The following ZFYVE9 variants were observed in gnomAD, a reference collection of about 807,000 sequenced individuals.
The protein encoded by ZFYVE9 is zinc finger FYVE-type containing 9.
In ZFYVE9, 43 loss-of-function variants were observed where a neutral mutation model predicts 126.7. The ratio of observed to expected loss-of-function variants is 0.34; its 90% CI spans 0.27 to 0.44. The LOEUF is 0.44. Ranked by LOEUF, ZFYVE9 falls within the 20% of genes least tolerant of loss-of-function variation. The probability of loss-of-function intolerance (pLI) is 1.00; values close to 1 mark genes in which losing one functional copy is unlikely to be tolerated. For synonymous variants in ZFYVE9, 521 were observed against 597.4 expected (o/e 0.87, Z 1.87); for missense variants, 1,476 against 1,697.0 (o/e 0.87, Z 2.29).
chr1:52,167,783 C>T (rs1486742304), intron 1 of ZFYVE9, among the ~76,000 whole-genome samples: 1 of 152,116 alleles, frequency 6.6e-6, no homozygotes, highest in African/African-American at 2.4e-5. Flanking sequence ...CTGAAGATAA[C>T]TTCAAGAGAG....
intron 2 of ZFYVE9, among the ~76,000 whole-genome samples, 155 bp from the exon 3 acceptor site, chr1:52,233,016 G>C (rs142830489): frequency 2.6e-5 from 4 of 151,852 alleles, no homozygotes; most frequent in Admixed American, 6.6e-5. Flanking sequence ...GAATTTATTA[G>C]CTTAAAGATC....
At chr1:52,308,059 A>G (rs370190049) in intron 13 of ZFYVE9, among the ~76,000 whole-genome samples, 5 of 151,890 alleles carry the variant, frequency 3.3e-5, no homozygotes, top group East Asian at 1.9e-4. Context: ...GCCACAAACA[A>G]TTTTCCTTCT....
intron 1 of ZFYVE9, among the ~76,000 whole-genome samples, chr1:52,210,888 C>G (rs981231662): frequency 6.6e-6 from 1 of 152,202 alleles, no homozygotes; most frequent in Non-Finnish European, 1.5e-5. Context: ...CTTCTGATCT[C>G]AGGTAATCTG....
chr1:52,269,387 C>T (rs1160420127), intron 7 of ZFYVE9, among the ~76,000 whole-genome samples: 1 of 152,084 alleles, frequency 6.6e-6, no homozygotes, highest in Non-Finnish European at 1.5e-5. Context: ...CCCTCAGCCT[C>T]CCAAAGTGCT....
chr1:52,162,329 C>T (rs1002628038), intron 1 of ZFYVE9: 1 of 397,836 alleles, frequency 2.5e-6, no homozygotes, highest in Non-Finnish European at 5.1e-6. Context: ...GTAAGAATCT[C>T]GACGTCTGTG....
intron 12 of ZFYVE9, among the ~76,000 whole-genome samples, chr1:52,297,179 G>T (rs1208798295): frequency 6.6e-6 from 1 of 151,686 alleles, no homozygotes; most frequent in Non-Finnish European, 1.5e-5. Context: ...CTAGGGGGCA[G>T]CCCCAGGCAA....
chr1:52,233,258 G>T lies in ZFYVE9; in HGVS notation c.52G>T (p.Glu18Ter). Residue 18 changes from glutamate to a stop codon, truncating the protein, a stop_gained, in exon 3 of 19, where the codon GAA (glutamate) becomes TAA (stop). Coordinates refer to ENST00000287727, the MANE Select transcript of ZFYVE9 (RefSeq NM_004799.4). LOFTEE classifies it high-confidence loss of function. ...EAYNLDKVLDEFEQNEDETVS... is the reference protein window; with the variant it reads ...EAYNLDKVLD ...TTACAACCTGGACAAGGTGTTAGAT[G>T]AATTTGAACAAAACGAAGGTGAGAA... 6.3e-7 allele frequency: 1 copy of T among 1,581,798 alleles called. No homozygotes were observed. The highest frequency in any genetic ancestry group is 1.2e-5 in the South Asian group (1 of 84,698).
At chr1:52,314,063 T>G (rs1646161042) in intron 13 of ZFYVE9, among the ~76,000 whole-genome samples, 1 of 152,106 alleles carries the variant, frequency 6.6e-6, no homozygotes, top group African/African-American at 2.4e-5. Flanking sequence ...AAACAATGGT[T>G]AAAAAATTTC....
rs558965781 is a variant in ZFYVE9, at chr1:52,327,413, C to G, written c.3439-5355C>G. On this transcript the variant is annotated intron_variant, in intron 13 of 18. Coordinates refer to ENST00000287727, the MANE Select transcript of ZFYVE9 (RefSeq NM_004799.4). ...GGTCAGGAGTTCGAAACCAGCTTGG[C>G]CAATATGGTGAAACCCCATCTGTAT... Among the ~76,000 whole-genome samples the G allele has an allele frequency of 2.0e-5, 3 of 151,316 alleles. No homozygotes were observed. The South Asian group carries it at 6.3e-4, about 32-fold the overall frequency.
chr1:52,254,872 G>A (rs1645488772), intron 4 of ZFYVE9, among the ~76,000 whole-genome samples: 1 of 151,942 alleles, frequency 6.6e-6, no homozygotes, highest in Admixed American at 6.6e-5. Context: ...AGGCTGAGGT[G>A]GAAGGATTCC....
chr1:52,175,418 C>T (rs1297601544), intron 1 of ZFYVE9, among the ~76,000 whole-genome samples: 1 of 151,906 alleles, frequency 6.6e-6, no homozygotes, highest in African/African-American at 2.4e-5. Context: ...CCCGACCTTT[C>T]TCTGTGGCTG....
At chr1:52,301,974 CTCAA>C (rs1264968778) in intron 12 of ZFYVE9, among the ~76,000 whole-genome samples, 2 of 152,126 alleles carry the variant, frequency 1.3e-5, no homozygotes, top group African/African-American at 4.8e-5. Context: ...TTTAAACAAT[CTCAA>C]TCAAATACTT....
chr1:52,278,656 T>A, intron 9 of ZFYVE9, 42 bp downstream of exon 9: 1 of 1,325,338 alleles, frequency 7.5e-7, no homozygotes, highest in East Asian at 2.5e-5. Context: ...GATGTTTTAC[T>A]GACTCATAGT....
At chr1:52,219,173 AG>A (rs1361911075) in intron 2 of ZFYVE9, among the ~76,000 whole-genome samples, 1 of 151,990 alleles carries the variant, frequency 6.6e-6, no homozygotes, top group Non-Finnish European at 1.5e-5. Context: ...TGGGGGGCAG[AG>A]GTACTTTTCT....
chr1:52,251,717 T>G (rs920427346), intron 4 of ZFYVE9, among the ~76,000 whole-genome samples: 2 of 152,316 alleles, frequency 1.3e-5, no homozygotes, highest in South Asian at 4.1e-4. Flanking sequence ...ACAGAAGGAG[T>G]TAGGAAGTAT....
chr1:52,189,228 T>C (rs955803090), intron 1 of ZFYVE9, among the ~76,000 whole-genome samples: 1 of 149,446 alleles, frequency 6.7e-6, no homozygotes, highest in Non-Finnish European at 1.5e-5. Flanking sequence ...TGAGCCACCA[T>C]GCCCAGCCTA....
chr1:52,179,660 A>T (rs954016768), intron 1 of ZFYVE9, among the ~76,000 whole-genome samples: 2 of 152,046 alleles, frequency 1.3e-5, no homozygotes, highest in Non-Finnish European at 2.9e-5. Context: ...CATTTAAGTG[A>T]CACAGTGGAA....
At chr1:52,237,210 C>T (rs1645280963) in intron 3 of ZFYVE9, among the ~76,000 whole-genome samples, 1 of 152,168 alleles carries the variant, frequency 6.6e-6, no homozygotes, top group Non-Finnish European at 1.5e-5. Flanking sequence ...GCTTTCCCCT[C>T]TTCTGGGTCC....
chr1:52,180,434 A>G (rs1227726281), intron 1 of ZFYVE9: 3 of 1,384,904 alleles, frequency 2.2e-6, no homozygotes, highest in African/African-American at 2.8e-5. Context: ...AACTGTCTGA[A>G]TCTGGAGCAA....
Sources: gnomAD v4.1 joint callset for allele counts (sites outside exome capture counted in the v4.1 genomes callset) on GRCh38, gnomAD v4.1.1 for gene constraint, MANE v1.5 for transcripts, NCBI Gene and HGNC (gene_info 2026-07-23, HGNC 2026-07-21) for gene names.